The following ACER2 variants were observed in gnomAD, a reference collection of about 807,000 sequenced individuals.
ACER2 encodes the protein alkaline ceramidase 2.
In ACER2, 26 loss-of-function variants were observed where a neutral mutation model predicts 34.7. The ratio of observed to expected loss-of-function variants is 0.75; its 90% CI spans 0.55 to 1.04. ACER2 has a LOEUF of 1.04. Ranked by LOEUF, ACER2 falls within the 50% of genes least tolerant of loss-of-function variation. The probability of loss-of-function intolerance (pLI) is 0.00; values close to 1 mark genes in which losing one functional copy is unlikely to be tolerated. For synonymous variants in ACER2, 138 were observed against 132.1 expected (o/e 1.04, Z -0.31); for missense variants, 352 against 340.8 (o/e 1.03, Z -0.26).
At chr9:19,436,910 C>T (rs931299744) in intron 4 of ACER2, among the ~76,000 whole-genome samples, 2 of 152,210 alleles carry the variant, frequency 1.3e-5, no homozygotes, top group East Asian at 1.9e-4. Flanking sequence ...CTATCCTTGG[C>T]TGTCTGAAGA....
chr9:19,428,619 G>A (rs1830654984), intron 3 of ACER2, among the ~76,000 whole-genome samples: 7 of 151,872 alleles, frequency 4.6e-5, no homozygotes, highest in Admixed American at 4.6e-4. Context: ...CTGGGACCCT[G>A]TTTTGCTTGT....
rs1024183374 is a variant in ACER2, at chr9:19,452,209, G to A, written c.*1573G>A. Among the ~76,000 whole-genome samples, 1 of 152,138 alleles carries A rather than the reference G, an allele frequency of 6.6e-6. No homozygotes were observed. The highest frequency in any genetic ancestry group is 2.4e-5 in the African/African-American group (1 of 41,424). On this transcript the variant is annotated 3_prime_UTR_variant, in exon 6 of 6. Coordinates refer to ENST00000340967, the MANE Select transcript of ACER2 (RefSeq NM_001010887.3). Reference sequence around the variant, plus strand: ...ATTGTTGGGAGAGGGCAGGACAGGTGTGTTCTTCTGTGGGCAGGAGTCATG... The same window carrying A: ...ATTGTTGGGAGAGGGCAGGACAGGTATGTTCTTCTGTGGGCAGGAGTCATG...
intron 5 of ACER2, 104 bp downstream of exon 5, chr9:19,446,522 T>C: frequency 6.4e-7 from 1 of 1,567,868 alleles, no homozygotes; most frequent in South Asian, 1.2e-5. Flanking sequence ...TGTGGGTTGC[T>C]GGCTTGCTTC....
intron 1 of ACER2, among the ~76,000 whole-genome samples, chr9:19,419,867 A>G (rs952168371): frequency 1.3e-5 from 2 of 152,176 alleles, no homozygotes; most frequent in African/African-American, 4.8e-5. Context: ...CTGGATTTTA[A>G]CCAAAGGTAA....
intron 1 of ACER2, among the ~76,000 whole-genome samples, chr9:19,420,686 G>T (rs1260644506): frequency 1.3e-5 from 2 of 152,134 alleles, no homozygotes; most frequent in Admixed American, 6.6e-5. Flanking sequence ...TATAACAAAA[G>T]ATCTTAGACT....
In ACER2 at chr9:19,419,201, A is replaced by G. The variant is rs771764051; in HGVS notation, c.109-4661A>G. On this transcript the variant is annotated intron_variant, in intron 1 of 5. Coordinates refer to ENST00000340967, the MANE Select transcript of ACER2 (RefSeq NM_001010887.3). Reference sequence around the variant, plus strand: ...AGCAAAACTCCATCTCAAAAACAAAACAAAACAAAACCTACTGCATATACA... The same window carrying G: ...AGCAAAACTCCATCTCAAAAACAAAGCAAAACAAAACCTACTGCATATACA... Among the ~76,000 whole-genome samples the G allele has an allele frequency of 2.6e-5, 4 of 152,148 alleles. 1 individual carries two copies. The highest frequency in any genetic ancestry group is 7.2e-5 in the African/African-American group (3 of 41,424).
chr9:19,433,552 C>T (rs1303489143), intron 3 of ACER2, among the ~76,000 whole-genome samples: 4 of 152,180 alleles, frequency 2.6e-5, no homozygotes, highest in African/African-American at 4.8e-5. Flanking sequence ...CCATGTCTAC[C>T]TCTTTCTACA....
intron 5 of ACER2, among the ~76,000 whole-genome samples, chr9:19,449,633 C>T (rs1190539203): frequency 1.3e-5 from 2 of 151,980 alleles, no homozygotes; most frequent in African/African-American, 2.4e-5. Context: ...ACTGTAATCC[C>T]AGCACTTTGG....
rs370399761 is a variant in ACER2, at chr9:19,444,719, C to T, written c.504-1562C>T. 3.9e-5 allele frequency among the ~76,000 whole-genome samples: 6 copies of T among 152,068 alleles called. No homozygotes were observed. The East Asian group carries it at 1.2e-3, about 29-fold the overall frequency. ...GGTGGGTCAAGGTGAGAGATGAGCT[C>T]TTTTTGAGAGGGAACCAGCCCAAAG... On this transcript the variant is annotated intron_variant, in intron 4 of 5. Coordinates refer to ENST00000340967, the MANE Select transcript of ACER2 (RefSeq NM_001010887.3).
In ACER2 at chr9:19,450,568, G is replaced by A. The variant is rs1157389028; in HGVS notation, c.760G>A (p.Ala254Thr). The A allele has an allele frequency of 1.2e-6, 2 of 1,609,354 alleles. No homozygotes were observed. The highest frequency in any genetic ancestry group is 8.5e-7 in the Non-Finnish European group (1 of 1,176,246). The change falls in exon 6 of 6, where the codon GCC becomes ACC. Residue 254 changes from alanine (A) to threonine (T), a missense_variant. Physicochemically the swap from Ala to Thr is moderately conservative, Grantham distance 58. Transcript: ENST00000340967. ...CAAGTTCTGGCCCAATGAGAAATGG[G>A]CCTTCATTGGTGTCCCCTATGTGTC... ...VIKFWPNEKWAFIGVPYVSLL... is the reference protein window; with the variant it reads ...VIKFWPNEKWTFIGVPYVSLL...
chr9:19,428,110 T>C (rs1488244268), intron 3 of ACER2, among the ~76,000 whole-genome samples: 1 of 150,320 alleles, frequency 6.7e-6, no homozygotes, highest in Non-Finnish European at 1.5e-5. Context: ...TTTCTCTTTC[T>C]TTTCTTTTCT....
intron 4 of ACER2, among the ~76,000 whole-genome samples, chr9:19,439,327 C>T (rs575352915): frequency 2.1e-5 from 3 of 146,040 alleles, no homozygotes; most frequent in East Asian, 2.0e-4. Context: ...TTGCTGCTCC[C>T]TCTCTAAAGG....
intron 5 of ACER2, among the ~76,000 whole-genome samples, chr9:19,448,479 C>T (rs902128339): frequency 6.6e-5 from 10 of 152,226 alleles, no homozygotes; most frequent in East Asian, 3.9e-4. Context: ...TCTCTGATAA[C>T]GGACTTTGAG....
At chr9:19,419,990 C>T (rs1365241334) in intron 1 of ACER2, among the ~76,000 whole-genome samples, 3 of 152,154 alleles carry the variant, frequency 2.0e-5, no homozygotes, top group Admixed American at 2.0e-4. Context: ...CTTACCCGCT[C>T]TCCTCCCCAG....
At chr9:19,443,155 G>A (rs558521345) in intron 4 of ACER2, among the ~76,000 whole-genome samples, 5 of 152,150 alleles carry the variant, frequency 3.3e-5, no homozygotes, top group Non-Finnish European at 7.4e-5. Flanking sequence ...TTCAGTCTCC[G>A]GAGTAGCTGG....
At chr9:19,438,027 A>C (rs576462512) in intron 4 of ACER2, among the ~76,000 whole-genome samples, 1 of 152,278 alleles carries the variant, frequency 6.6e-6, no homozygotes, top group East Asian at 1.9e-4. Flanking sequence ...GTATCTTGCT[A>C]ATGACTGGGC....
chr9:19,424,666 G>A, intron 2 of ACER2, 34 bp from the exon 3 acceptor site: 1 of 1,611,548 alleles, frequency 6.2e-7, no homozygotes, highest in Non-Finnish European at 8.5e-7. Context: ...CTCTTCTGTG[G>A]TGACCTTTTT....
At chr9:19,413,603 G>GAA (rs11346520) in intron 1 of ACER2, among the ~76,000 whole-genome samples, 1 of 125,648 alleles carries the variant, frequency 8.0e-6, no homozygotes, top group Non-Finnish European at 1.8e-5. Flanking sequence ...CCATCTTAAG[G>GAA]AAAAAAAAAA....
rs1831419870 is a variant in ACER2 at position 19,447,934 on chromosome 9, G to A, written c.641+1516G>A. ...ATGTATATCCATTGAGATTTTATAT[G>A]TACACACACACGCACACATATATAT... On this transcript the variant is annotated intron_variant, in intron 5 of 5. Transcript: ENST00000340967. 2.0e-5 allele frequency among the ~76,000 whole-genome samples: 3 copies of A among 148,424 alleles called. No homozygotes were observed. In the South Asian group the frequency reaches 6.3e-4, roughly 31 times the overall value.
Sources: allele counts gnomAD v4.1 joint callset (sites outside exome capture counted in the v4.1 genomes callset), GRCh38; gene constraint gnomAD v4.1.1; transcripts MANE v1.5; gene names NCBI Gene and HGNC (gene_info 2026-07-23, HGNC 2026-07-21).